METAP1: variants seen among roughly 807,000 people sequenced by gnomAD.
The protein encoded by METAP1 is methionine aminopeptidase 1.
A neutral mutation model predicts 53.8 loss-of-function variants in METAP1; 28 were observed. The observed-to-expected ratio is 0.52, with a 90% confidence interval of 0.39 to 0.71. The LOEUF (loss-of-function observed/expected upper bound fraction) is 0.71, where lower values mean the gene tolerates loss of function less well. METAP1 is among the 30% of genes least tolerant of loss of function. The pLI is 0.00. For synonymous variants in METAP1, 181 were observed against 165.7 expected (o/e 1.09, Z -0.71); for missense variants, 389 against 479.8 (o/e 0.81, Z 1.77).
In METAP1 at chr4:99,041,015, T is replaced by A. The variant is rs765866083; in HGVS notation, c.433-28T>A. On this transcript the variant is annotated intron_variant, in intron 5 of 10. Transcript: ENST00000296411. ...TAGATTTCTGTTTCTGTGTCTTTTT[T>A]AATGTATTGAGTGTTCCTTTTTTAC... 5.5e-5 allele frequency: 85 copies of A among 1,541,684 alleles called. No homozygotes were observed. The South Asian group carries it at 9.2e-4, about 17-fold the overall frequency.
intron 1 of METAP1, among the ~76,000 whole-genome samples, chr4:99,000,377 G>A (rs1254139424): frequency 6.6e-6 from 1 of 152,174 alleles, no homozygotes; most frequent in Admixed American, 6.5e-5. Context: ...ATGACCTTGG[G>A]TAAGTCCCCT....
At chr4:99,022,838 T>G in intron 1 of METAP1, 2 of 1,574,398 alleles carry the variant, frequency 1.3e-6, no homozygotes, top group Non-Finnish European at 1.7e-6. Context: ...GCTGTGGTAC[T>G]GCTTTTTTCC....
chr4:99,031,369 A>G (rs1233205044), intron 2 of METAP1: 46 of 1,057,102 alleles, frequency 4.4e-5, no homozygotes, highest in Admixed American at 8.4e-5. Context: ...CCTGAAGTAA[A>G]GGTGGAATAA....
intron 9 of METAP1, among the ~76,000 whole-genome samples, chr4:99,052,201 A>G (rs1726763852): frequency 6.6e-6 from 1 of 152,232 alleles, no homozygotes; most frequent in Non-Finnish European, 1.5e-5. Flanking sequence ...AAATGCTAAC[A>G]GTCATCTGAG....
chr4:99,003,216 T>C (rs1299031046), intron 1 of METAP1, among the ~76,000 whole-genome samples: 6 of 152,206 alleles, frequency 3.9e-5, no homozygotes, highest in Non-Finnish European at 2.9e-5. Flanking sequence ...ATTGTAACTT[T>C]AGCAACTTCC....
At chr4:99,007,940 C>G (rs1038512836) in intron 1 of METAP1, among the ~76,000 whole-genome samples, 1 of 152,286 alleles carries the variant, frequency 6.6e-6, no homozygotes, top group Non-Finnish European at 1.5e-5. Flanking sequence ...AAATCTACAT[C>G]TGAGTGCTAG....
In METAP1 at chr4:99,034,265, A is replaced by C; in HGVS notation, c.202A>C (p.Thr68Pro). Residue 68 changes from threonine (T) to proline (P), a missense_variant, in exon 3 of 11, where the codon ACT (threonine) becomes CCT (proline). By Grantham distance (38) the Thr-to-Pro change is conservative. Coordinates refer to ENST00000296411, the MANE Select transcript of METAP1 (RefSeq NM_015143.3). ...GGCGAAGCGAGAAGTGTCTTCCTGG[A>C]CTGTGGAAGGTGATATTAATACTGA... is the stretch of plus-strand genomic sequence containing the variant. ...EKAKREVSSW[T>P]VEGDINTDPW... 6.4e-7 allele frequency: 1 copy of C among 1,550,718 alleles called. No homozygotes were observed. Among genetic ancestry groups the C allele is most frequent in the Admixed American group, 2.0e-5 (1 of 50,986 alleles).
At position 99,061,483 on chromosome 4, in the gene METAP1, TGAAAAAGCTGAGAAGAATAAAG is replaced by T. The variant is rs531050033; in HGVS notation, c.*171_*192del. On this transcript the variant is annotated 3_prime_UTR_variant, in exon 11 of 11. Transcript: ENST00000296411. Reference sequence around the variant, plus strand: ...TGTCCTCAAGAACTTGTCTTGGGTCTGAAAAAGCTGAGAAGAATAAAGGAAACATTGCTCAACTCTTCAGCCC... The same window carrying T: ...TGTCCTCAAGAACTTGTCTTGGGTCTGAAACATTGCTCAACTCTTCAGCCC... The T allele has an allele frequency of 5.6e-6, 3 of 535,982 alleles. No homozygotes were observed. The highest frequency in any genetic ancestry group is 3.9e-5 in the African/African-American group (2 of 50,918). The allele number at this position is 535,982 out of a possible 1,614,324, so 33.2% of individuals were successfully genotyped here.
rs1353150277 is a variant in METAP1 at position 99,014,432 on chromosome 4, C to T, written c.115-14435C>T. 3.9e-5 allele frequency among the ~76,000 whole-genome samples: 6 copies of T among 152,156 alleles called. No individual in the cohort carries two copies. The South Asian group carries it at 1.2e-3, about 31-fold the overall frequency. On this transcript the variant is annotated intron_variant, in intron 1 of 10. Transcript: ENST00000296411. ...GTAGATCTTAATTCATCTGCAATTC[C>T]CCTGACCACTTTGGTGTAGTTAACT...
intron 10 of METAP1, among the ~76,000 whole-genome samples, chr4:99,059,439 C>T (rs948622175): frequency 2.6e-5 from 4 of 152,230 alleles, no homozygotes; most frequent in Admixed American, 6.5e-5. Flanking sequence ...TAGGCCGCCT[C>T]GTATTTTCTT....
At chr4:99,059,519 G>T (rs1446299061) in intron 10 of METAP1, among the ~76,000 whole-genome samples, 1 of 152,168 alleles carries the variant, frequency 6.6e-6, no homozygotes, top group Non-Finnish European at 1.5e-5. Context: ...GGATTTGTCT[G>T]TCTGAGGCAG....
At chr4:99,015,270 T>C (rs568584332) in intron 1 of METAP1, among the ~76,000 whole-genome samples, 151 of 152,356 alleles carry the variant, frequency 9.9e-4, no homozygotes, top group Non-Finnish European at 1.5e-3. Context: ...TTTTGTCTTA[T>C]CATTTAGTAA....
At position 99,061,528 on chromosome 4, in the gene METAP1, C is replaced by G. The variant is rs539287912; in HGVS notation, c.*211C>G. 2.5e-6 allele frequency: 1 copy of G among 404,726 alleles called. No homozygotes were observed. The highest frequency in any genetic ancestry group is 4.5e-5 in the Admixed American group (1 of 22,310). The allele number at this position is 404,726 out of a possible 1,614,324, so 25.1% of individuals were successfully genotyped here. On this transcript the variant is annotated 3_prime_UTR_variant, in exon 11 of 11. Transcript: ENST00000296411. ...AAGGAAACATTGCTCAACTCTTCAG[C>G]CCCCTCCCCCTGCACACCTGTTTTC...
intron 5 of METAP1, 81 bp from the exon 6 acceptor site, chr4:99,040,962 C>A: frequency 2.8e-6 from 2 of 716,506 alleles, no homozygotes; most frequent in East Asian, 3.1e-5. Context: ...TTTTACCAAT[C>A]TTCCACAGTC....
intron 1 of METAP1, among the ~76,000 whole-genome samples, chr4:99,008,704 T>C (rs1723307740): frequency 6.6e-6 from 1 of 152,220 alleles, no homozygotes; most frequent in South Asian, 2.1e-4. Flanking sequence ...GTGATAATAG[T>C]ACCTATGTCT....
At chr4:99,045,043 C>A (rs1726121368) in intron 7 of METAP1, 136 bp from the exon 8 acceptor site, 1 of 804,778 alleles carries the variant, frequency 1.2e-6, no homozygotes, top group Non-Finnish European at 1.9e-6. Flanking sequence ...CAATAACTAT[C>A]TATCCATTGG....
rs980160867 is a variant in METAP1 at position 99,061,479 on chromosome 4, G to T, written c.*162G>T. The T allele has an allele frequency of 1.8e-6, 1 of 569,774 alleles. No homozygotes were observed. 35.3% of individuals were successfully genotyped at this position (569,774 alleles called of 1,614,324 possible). On this transcript the variant is annotated 3_prime_UTR_variant, in exon 11 of 11. Transcript: ENST00000296411. ...TGTGTGTCCTCAAGAACTTGTCTTG[G>T]GTCTGAAAAAGCTGAGAAGAATAAA...
chr4:99,050,311 A>C (rs1368698867), intron 9 of METAP1, among the ~76,000 whole-genome samples: 1 of 152,194 alleles, frequency 6.6e-6, no homozygotes, highest in Non-Finnish European at 1.5e-5. Flanking sequence ...CTTCAGAAAT[A>C]TTTTTGGGCA....
intron 1 of METAP1, among the ~76,000 whole-genome samples, chr4:99,006,607 G>A (rs1468018143): frequency 1.3e-5 from 2 of 152,070 alleles, no homozygotes; most frequent in Non-Finnish European, 2.9e-5. Flanking sequence ...TTACACCTAA[G>A]AAGATTAACA....
Sources: gnomAD v4.1 joint callset for allele counts (sites outside exome capture counted in the v4.1 genomes callset) on GRCh38, gnomAD v4.1.1 for gene constraint, MANE v1.5 for transcripts, NCBI Gene and HGNC (gene_info 2026-07-23, HGNC 2026-07-21) for gene names.